The following DYNC1I1 variants were observed in gnomAD, a reference collection of about 807,000 sequenced individuals.
DYNC1I1 encodes dynein cytoplasmic 1 intermediate chain 1, also known as cytoplasmic dynein 1 intermediate chain 1.
A neutral mutation model predicts 86.6 loss-of-function variants in DYNC1I1; 43 were observed. That is an observed-to-expected ratio of 0.50 (90% confidence interval 0.39 to 0.64). DYNC1I1 has a LOEUF of 0.64. Ranked by LOEUF, DYNC1I1 falls within the 30% of genes least tolerant of loss-of-function variation. DYNC1I1 has a pLI of 0.00. For synonymous variants in DYNC1I1, 262 were observed against 283.7 expected, an observed-to-expected ratio of 0.92 and a Z score of 0.77; for missense variants, 604 against 788.8, an observed-to-expected ratio of 0.77 and a Z score of 2.81.
chr7:95,974,507 G>C (rs915068133), intron 6 of DYNC1I1, among the ~76,000 whole-genome samples: 3 of 152,142 alleles, frequency 2.0e-5, no homozygotes, highest in Admixed American at 6.5e-5. Context: ...GATGAGAAAT[G>C]GGGGCTCAGA....
Position 96,014,938 on chromosome 7 carries a change from A to G in DYNC1I1, c.970-13237A>G, listed in dbSNP as rs2237589. On this transcript the variant is annotated intron_variant, in intron 10 of 16. Transcript: ENST00000447467. ...TAGAAGCTTTCCTTAACTCTTCATT[A>G]TCTGGTTTCATATTATTCCTGGCTC... Among the ~76,000 whole-genome samples, 1,067 of 152,240 alleles carry G rather than the reference A, an allele frequency of 7.0e-3. 62 individuals carry two copies. The East Asian group carries it at 0.16, about 22-fold the overall frequency.
At chr7:96,075,657 C>A (rs1488812079) in intron 14 of DYNC1I1, among the ~76,000 whole-genome samples, 2 of 152,176 alleles carry the variant, frequency 1.3e-5, no homozygotes, top group Non-Finnish European at 2.9e-5. Flanking sequence ...CGGTCGGGAC[C>A]GCCGGGGCTT....
chr7:96,062,200 A>C (rs1255092425), intron 14 of DYNC1I1, among the ~76,000 whole-genome samples: 5 of 152,246 alleles, frequency 3.3e-5, no homozygotes, highest in Admixed American at 6.5e-5. Context: ...AACCTAAAGT[A>C]AAGTCAGGTG....
At chr7:95,789,997 C>G (rs891621164) in intron 1 of DYNC1I1, among the ~76,000 whole-genome samples, 11 of 152,282 alleles carry the variant, frequency 7.2e-5, no homozygotes, top group African/African-American at 2.6e-4. Flanking sequence ...GATTTTGTAA[C>G]TCACCAGTGG....
At chr7:96,099,616 A>G (rs1260668298), downstream of DYNC1I1, among the ~76,000 whole-genome samples, 2 of 152,116 alleles carry the variant, frequency 1.3e-5, no homozygotes, top group African/African-American at 4.8e-5. Flanking sequence ...CTATCTTCTC[A>G]TTGAATCCTC....
chr7:95,912,760 C>G (rs925159330), intron 6 of DYNC1I1, among the ~76,000 whole-genome samples: 4 of 152,184 alleles, frequency 2.6e-5, no homozygotes, highest in African/African-American at 9.6e-5. Context: ...CAGCCCTGGT[C>G]AAGGACTAAT....
Position 96,098,187 on chromosome 7 carries a change from A to G in DYNC1I1, c.*594A>G. On this transcript the variant is annotated 3_prime_UTR_variant, in exon 17 of 17. Transcript: ENST00000447467. ...GACTGTATTCTCTCTGCTGCTGTTG[A>G]GGTTATATTAAGTTCCACATAGCAA... The G allele has an allele frequency of 1.0e-6, 1 of 985,868 alleles. No individual in the cohort carries two copies. Among genetic ancestry groups the G allele is most frequent in the South Asian group, 4.7e-5 (1 of 21,288 alleles). The allele number at this position is 985,868 out of a possible 1,614,324, so 61.1% of individuals were successfully genotyped here. A position where few individuals can be genotyped will look rare whatever the true frequency, so the allele number is the denominator to read the frequency against.
intron 5 of DYNC1I1, among the ~76,000 whole-genome samples, chr7:95,833,598 A>C (rs1311173118): frequency 6.9e-6 from 1 of 145,402 alleles, no homozygotes; most frequent in Admixed American, 6.9e-5. Context: ...CTTCCTACCC[A>C]TGAGCATGGA....
intron 6 of DYNC1I1, among the ~76,000 whole-genome samples, chr7:95,903,410 C>A (rs1791091510): frequency 6.6e-6 from 1 of 152,172 alleles, no homozygotes; most frequent in African/African-American, 2.4e-5. Flanking sequence ...CAACAGGGAG[C>A]AGCAAGGCTA....
chr7:96,067,731 A>G (rs1790036992), intron 14 of DYNC1I1, among the ~76,000 whole-genome samples: 1 of 152,136 alleles, frequency 6.6e-6, no homozygotes, highest in African/African-American at 2.4e-5. Flanking sequence ...GGGCTTTTCC[A>G]TTGTCCAACA....
intron 1 of DYNC1I1, among the ~76,000 whole-genome samples, chr7:95,784,577 T>C (rs1464400030): frequency 6.6e-6 from 1 of 152,048 alleles, no homozygotes; most frequent in Non-Finnish European, 1.5e-5. Flanking sequence ...GGTGAAGGGG[T>C]GGGCATGAAG....
At chr7:96,023,170 T>C (rs1161642099) in intron 10 of DYNC1I1, among the ~76,000 whole-genome samples, 1 of 152,008 alleles carries the variant, frequency 6.6e-6, no homozygotes, top group African/African-American at 2.4e-5. Flanking sequence ...CCTCTGACAG[T>C]GAAGCATTTG....
chr7:95,903,543 G>A (rs1183483009), intron 6 of DYNC1I1, among the ~76,000 whole-genome samples: 5 of 152,176 alleles, frequency 3.3e-5, no homozygotes, highest in Non-Finnish European at 7.4e-5. Context: ...AGGCAGACAG[G>A]AGACTTAATG....
intron 5 of DYNC1I1, among the ~76,000 whole-genome samples, chr7:95,862,819 A>C (rs1789921975): frequency 1.3e-5 from 2 of 152,224 alleles, no homozygotes; most frequent in African/African-American, 4.8e-5. Flanking sequence ...AAACCTGAGT[A>C]TGCTCAAGTT....
intron 14 of DYNC1I1, among the ~76,000 whole-genome samples, chr7:96,065,665 G>C (rs1789956993): frequency 6.6e-6 from 1 of 152,082 alleles, no homozygotes; most frequent in South Asian, 2.1e-4. Flanking sequence ...TGAGATTACA[G>C]GCGTGAGCCA....
At chr7:95,947,899 T>G (rs1270603508) in intron 6 of DYNC1I1, among the ~76,000 whole-genome samples, 1 of 151,952 alleles carries the variant, frequency 6.6e-6, no homozygotes, top group Non-Finnish European at 1.5e-5. Flanking sequence ...TTTTAAGGAG[T>G]TTGCCCTGTT....
At chr7:95,879,598 T>C (rs1220117836) in intron 6 of DYNC1I1, among the ~76,000 whole-genome samples, 1 of 152,070 alleles carries the variant, frequency 6.6e-6, no homozygotes, top group African/African-American at 2.4e-5. Flanking sequence ...AACAAATAAC[T>C]AGTCAAAGAC....
intron 1 of DYNC1I1, among the ~76,000 whole-genome samples, chr7:95,778,195 A>G (rs1489873507): frequency 1.3e-5 from 2 of 152,214 alleles, no homozygotes; most frequent in African/African-American, 4.8e-5. Flanking sequence ...TATATGGCAG[A>G]AGGCATTTTG....
chr7:95,853,948 A>G (rs1584279935), intron 5 of DYNC1I1, among the ~76,000 whole-genome samples: 1 of 152,138 alleles, frequency 6.6e-6, no homozygotes, highest in African/African-American at 2.4e-5. Flanking sequence ...CTATTTTAAC[A>G]TGTCTAACAT....
Sources: gnomAD v4.1 joint callset for allele counts (sites outside exome capture counted in the v4.1 genomes callset) on GRCh38, gnomAD v4.1.1 for gene constraint, MANE v1.5 for transcripts, NCBI Gene and HGNC (gene_info 2026-07-23, HGNC 2026-07-21) for gene names.